The following PSD3 variants were observed in gnomAD, a reference collection of about 807,000 sequenced individuals.
The protein encoded by PSD3 is PH and SEC7 domain-containing protein 3.
PSD3 carries 49 observed loss-of-function variants against 105.5 expected under a neutral mutation model. That is an observed-to-expected ratio of 0.46 (90% CI 0.37 to 0.59). The LOEUF (loss-of-function observed/expected upper bound fraction) is 0.59. PSD3 is among the 20% of genes least tolerant of loss of function. The pLI is 0.00. For missense variants in PSD3, 1,561 were observed against 1,263.8 expected (o/e 1.24, Z -3.57); for synonymous variants, 557 against 457.8 (o/e 1.22, Z -2.77).
chr8:18,869,036 G>C (rs1586277286), intron 3 of PSD3, among the ~76,000 whole-genome samples: 1 of 152,170 alleles, frequency 6.6e-6, no homozygotes. Context: ...ATTCAGCATT[G>C]CAATTGGTTT....
chr8:19,041,456 G>C (rs751821009), intron 1 of PSD3, among the ~76,000 whole-genome samples: 7 of 152,154 alleles, frequency 4.6e-5, no homozygotes, highest in African/African-American at 1.2e-4. Context: ...GAGAGAATGT[G>C]TATGAAAACC....
At chr8:18,666,681 G>C (rs1165017208) in intron 9 of PSD3, among the ~76,000 whole-genome samples, 6 of 149,024 alleles carry the variant, frequency 4.0e-5, no homozygotes, top group African/African-American at 1.5e-4. Flanking sequence ...GCTGTAGCCT[G>C]ATTTCAACCA....
intron 2 of PSD3, among the ~76,000 whole-genome samples, chr8:18,909,124 G>C (rs7840520): frequency 0.028 from 4,275 of 152,168 alleles, 232 homozygotes; most frequent in African/African-American, 0.097. Flanking sequence ...TCATCAAAAG[G>C]GCAAATACTC....
chr8:18,623,340 A>C (rs560570365), intron 11 of PSD3, among the ~76,000 whole-genome samples: 1 of 148,166 alleles, frequency 6.7e-6, no homozygotes, highest in Admixed American at 6.8e-5. Flanking sequence ...GGCCAGGAGC[A>C]GTGGCTTATG....
intron 4 of PSD3, among the ~76,000 whole-genome samples, chr8:18,814,692 T>C (rs1335003737): frequency 2.6e-5 from 4 of 152,184 alleles, no homozygotes; most frequent in Admixed American, 2.0e-4. Context: ...TATATGCTCA[T>C]TGTTTGCATA....
At chr8:18,598,161 CA>C (rs1188701979) in intron 12 of PSD3, among the ~76,000 whole-genome samples, 1 of 982 alleles carries the variant, frequency 1.0e-3, no homozygotes, top group African/African-American at 1.6e-3. Flanking sequence ...ATCGCAAGAA[CA>C]AAAAACCAAA....
intron 1 of PSD3, among the ~76,000 whole-genome samples, chr8:19,083,639 T>A (rs1040618331): frequency 6.6e-6 from 1 of 151,758 alleles, no homozygotes; most frequent in Non-Finnish European, 1.5e-5. Context: ...GTTCCAAGGC[T>A]GTGCTCCGGT....
intron 11 of PSD3, among the ~76,000 whole-genome samples, chr8:18,625,063 T>A (rs1294059008): frequency 6.6e-6 from 1 of 152,070 alleles, no homozygotes; most frequent in Non-Finnish European, 1.5e-5. Context: ...GAATTCACTT[T>A]CTACCCAAAA....
At chr8:18,540,010 G>A (rs147866457) in intron 15 of PSD3, among the ~76,000 whole-genome samples, 3 of 152,172 alleles carry the variant, frequency 2.0e-5, no homozygotes, top group African/African-American at 4.8e-5. Context: ...GGAACTGTGC[G>A]CTTTATTAAG....
At chr8:18,992,321 A>C (rs7838871) in intron 1 of PSD3, among the ~76,000 whole-genome samples, 63,826 of 151,622 alleles carry the variant, frequency 0.42, 14,189 homozygotes, top group Non-Finnish European at 0.51. Context: ...AAAAAAAAAA[A>C]AATCTTCTAA....
intron 6 of PSD3, among the ~76,000 whole-genome samples, chr8:18,803,966 C>A (rs893238181): frequency 2.1e-5 from 3 of 140,844 alleles, no homozygotes; most frequent in East Asian, 2.1e-4. Flanking sequence ...GATAAAAAAA[C>A]GAAAAACAGA....
At chr8:18,776,441 T>C (rs1808096367) in intron 8 of PSD3, among the ~76,000 whole-genome samples, 1 of 151,480 alleles carries the variant, frequency 6.6e-6, no homozygotes, top group East Asian at 1.9e-4. Flanking sequence ...TGGAGTGCAG[T>C]GGCACAACCT....
At chr8:18,594,559 G>C (rs1248149949) in intron 12 of PSD3, among the ~76,000 whole-genome samples, 1 of 147,940 alleles carries the variant, frequency 6.8e-6, no homozygotes, top group Non-Finnish European at 1.5e-5. Context: ...AGGCTAAAGG[G>C]AGTTCAACTT....
chr8:18,897,353 T>G (rs1359808806), intron 2 of PSD3, among the ~76,000 whole-genome samples: 3 of 152,218 alleles, frequency 2.0e-5, no homozygotes, highest in Non-Finnish European at 2.9e-5. Flanking sequence ...GGGTTCTATA[T>G]TCTGTTCCAT....
intron 2 of PSD3, among the ~76,000 whole-genome samples, chr8:18,919,827 A>C (rs1457141735): frequency 4.8e-5 from 6 of 126,100 alleles, no homozygotes; most frequent in African/African-American, 9.1e-5. Flanking sequence ...AGGAAGGGGA[A>C]CATCACACTC....
chr8:18,655,487 C>G (rs1001186966), intron 10 of PSD3, among the ~76,000 whole-genome samples, 155 bp downstream of exon 10: 5 of 152,074 alleles, frequency 3.3e-5, no homozygotes, highest in Non-Finnish European at 7.4e-5. Flanking sequence ...TCTGGGTTTA[C>G]TTGTATAAAG....
chr8:19,038,185 G>A (rs1828007634), intron 1 of PSD3, among the ~76,000 whole-genome samples: 1 of 151,988 alleles, frequency 6.6e-6, no homozygotes, highest in Non-Finnish European at 1.5e-5. Flanking sequence ...CTCTTAATAA[G>A]CTGGGCTATG....
chr8:18,871,215 A>C (rs781107590), intron 3 of PSD3, among the ~76,000 whole-genome samples: 2 of 152,218 alleles, frequency 1.3e-5, no homozygotes, highest in Non-Finnish European at 2.9e-5. Context: ...AGAAATGCCA[A>C]GGTTGGAAGT....
At chr8:18,853,648 C>T (rs970048161) in intron 4 of PSD3, among the ~76,000 whole-genome samples, 3 of 152,138 alleles carry the variant, frequency 2.0e-5, no homozygotes, top group Non-Finnish European at 2.9e-5. Flanking sequence ...ACTAACAGCA[C>T]AGCCAACTTT....
Sources: allele counts gnomAD v4.1 joint callset (sites outside exome capture counted in the v4.1 genomes callset), GRCh38; gene constraint gnomAD v4.1.1; transcripts MANE v1.5; gene names NCBI Gene and HGNC (gene_info 2026-07-23, HGNC 2026-07-21).